Variants in ABI3BP observed in about 807,000 individuals in gnomAD.
ABI3BP encodes the protein target of Nesh-SH3.
In ABI3BP, 216 loss-of-function variants were observed where a neutral mutation model predicts 268.6. That is an observed-to-expected ratio of 0.80 (90% CI 0.72 to 0.90). The LOEUF is 0.90. Ranked by LOEUF, ABI3BP falls within the 40% of genes least tolerant of loss-of-function variation. The pLI is 0.00. For synonymous variants in ABI3BP, 730 were observed against 730.0 expected (o/e 1.00, Z 0.00); for missense variants, 2,090 against 2,182.4 (o/e 0.96, Z 0.84).
At chr3:100,886,089 A>G in intron 5 of ABI3BP, 53 bp downstream of exon 5, 3 of 1,408,382 alleles carry the variant, frequency 2.1e-6, no homozygotes, top group Non-Finnish European at 2.8e-6. Context: ...AAATTAGGTA[A>G]CTAAGAAAAA....
chr3:100,818,971 A>G (rs946319717), intron 40 of ABI3BP, among the ~76,000 whole-genome samples: 13 of 152,240 alleles, frequency 8.5e-5, no homozygotes, highest in African/African-American at 3.1e-4. Context: ...TACAGTCAAC[A>G]GCCTGTTTGA....
chr3:100,862,417 A>T, intron 13 of ABI3BP, 32 bp from the exon 14 acceptor site: 1 of 1,275,592 alleles, frequency 7.8e-7, no homozygotes, highest in Non-Finnish European at 1.1e-6. Context: ...TTTGCTGAAG[A>T]TTTTTTTTTT....
intron 57 of ABI3BP, among the ~76,000 whole-genome samples, chr3:100,785,788 T>C (rs1334117138): frequency 6.6e-6 from 1 of 152,226 alleles, no homozygotes; most frequent in African/African-American, 2.4e-5. Flanking sequence ...TTTTCACAGA[T>C]GCCCTTTATC....
At chr3:100,849,020 C>T in intron 17 of ABI3BP, 145 bp from the exon 18 acceptor site, 1 of 685,518 alleles carries the variant, frequency 1.5e-6, no homozygotes. Flanking sequence ...TTGTTTTATA[C>T]ACAGGAGGTG....
Position 100,765,133 on chromosome 3 carries a change from TTAC to T in ABI3BP, c.4850+705_4850+707del, listed in dbSNP as rs547543761. ...AAAAAAAAAAAAACTTGGAACTTCC[TTAC>T]TACATTTCTAGAAATGTCTAAGACA... On this transcript the variant is annotated intron_variant, in intron 63 of 67. Coordinates refer to ENST00000471714, the MANE Select transcript of ABI3BP (RefSeq NM_001375547.2). Among the ~76,000 whole-genome samples, 9 of 151,234 alleles carry T rather than the reference TTAC, an allele frequency of 6.0e-5. No homozygotes were observed. In the South Asian group the frequency reaches 1.7e-3, roughly 28 times the overall value.
At position 100,812,477 on chromosome 3, in the gene ABI3BP, C is replaced by A; in HGVS notation, c.3411G>T (p.Lys1137Asn). ...GGGGAACATTTTTACCTATGGTCTC[C>A]TTTGGTGACTCAGTACTAAGTGTAA... ...ESVTLSTESPKETIAPAKTDY... is the reference protein window; with the variant it reads ...ESVTLSTESPNETIAPAKTDY... Residue 1137 changes from lysine to asparagine, a missense_variant, in exon 46 of 68, where the codon AAG becomes AAT. Lys to Asn is a moderately conservative substitution (Grantham distance 94). Transcript: ENST00000471714. The A allele has an allele frequency of 7.6e-7, 1 of 1,320,366 alleles. No individual in the cohort carries two copies. Among genetic ancestry groups the A allele is most frequent in the Non-Finnish European group, 9.7e-7 (1 of 1,036,186 alleles). 81.8% of individuals were successfully genotyped at this position (1,320,366 alleles called of 1,614,324 possible).
chr3:100,775,465 G>T, intron 59 of ABI3BP, 130 bp from the exon 60 acceptor site: 3 of 1,201,016 alleles, frequency 2.5e-6, no homozygotes, highest in Non-Finnish European at 3.5e-6. Flanking sequence ...GGCTTGGAGA[G>T]AAAACAAGAC....
At chr3:100,892,822 G>A (rs960781930) in intron 4 of ABI3BP, among the ~76,000 whole-genome samples, 1 of 152,212 alleles carries the variant, frequency 6.6e-6, no homozygotes, top group African/African-American at 2.4e-5. Flanking sequence ...GAAGGGTACT[G>A]CAGGTAAGAT....
chr3:100,800,560 G>A (rs960168610), intron 51 of ABI3BP, among the ~76,000 whole-genome samples: 1 of 150,872 alleles, frequency 6.6e-6, no homozygotes, highest in Non-Finnish European at 1.5e-5. Context: ...TGCAAGCTCC[G>A]CCTCCCTGGT....
intron 13 of ABI3BP, 155 bp downstream of exon 13, chr3:100,862,683 C>T (rs1336716026): frequency 1.6e-6 from 1 of 619,446 alleles, no homozygotes; most frequent in Non-Finnish European, 2.7e-6. Context: ...GCAGAAAATC[C>T]AAATAGATTT....
chr3:100,886,577 G>A (rs75263792), intron 4 of ABI3BP, among the ~76,000 whole-genome samples: 6 of 152,036 alleles, frequency 3.9e-5, no homozygotes, highest in South Asian at 4.1e-4. Context: ...CAGAATTCTC[G>A]TTCTATTATT....
intron 14 of ABI3BP, among the ~76,000 whole-genome samples, chr3:100,859,867 C>A (rs2098978730): frequency 6.6e-6 from 1 of 152,114 alleles, no homozygotes. Flanking sequence ...TGTAAAAACA[C>A]TATAAACTAC....
intron 9 of ABI3BP, among the ~76,000 whole-genome samples, chr3:100,867,513 C>T (rs2099064064): frequency 6.6e-6 from 1 of 151,528 alleles, no homozygotes; most frequent in East Asian, 1.9e-4. Flanking sequence ...TGGTGGCGGG[C>T]CCCTGTAGTC....
intron 62 of ABI3BP, among the ~76,000 whole-genome samples, chr3:100,770,355 C>T (rs2096505470): frequency 6.6e-6 from 1 of 152,036 alleles, no homozygotes; most frequent in Non-Finnish European, 1.5e-5. Flanking sequence ...TTGAAGTAAC[C>T]TTTAGTCTGC....
chr3:100,931,521 C>T (rs570770920), intron 1 of ABI3BP, among the ~76,000 whole-genome samples: 1 of 152,094 alleles, frequency 6.6e-6, no homozygotes, highest in East Asian at 1.9e-4. Context: ...GATACAAAAT[C>T]AATGGACAAA....
intron 1 of ABI3BP, among the ~76,000 whole-genome samples, chr3:100,954,138 G>A (rs896272634): frequency 2.0e-5 from 3 of 152,018 alleles, no homozygotes; most frequent in African/African-American, 4.8e-5. Context: ...ATATACATGA[G>A]ATATTTACCT....
At chr3:100,783,462 G>A (rs912213945) in intron 57 of ABI3BP, among the ~76,000 whole-genome samples, 1 of 152,188 alleles carries the variant, frequency 6.6e-6, no homozygotes, top group Non-Finnish European at 1.5e-5. Flanking sequence ...TTCAATAAAT[G>A]TTGGTTGAAT....
At chr3:100,885,444 A>C in intron 6 of ABI3BP, 92 bp downstream of exon 6, 2 of 669,864 alleles carry the variant, frequency 3.0e-6, no homozygotes, top group Non-Finnish European at 4.6e-6. Flanking sequence ...CTAGTCAGTT[A>C]ATCTAATTTC....
intron 1 of ABI3BP, among the ~76,000 whole-genome samples, chr3:100,956,077 A>G (rs573857326): frequency 6.6e-6 from 1 of 151,996 alleles, no homozygotes; most frequent in South Asian, 2.1e-4. Context: ...AATCCCAGCT[A>G]CTTGGGAGGC....
Sources: allele counts gnomAD v4.1 joint callset (sites outside exome capture counted in the v4.1 genomes callset), GRCh38; gene constraint gnomAD v4.1.1; transcripts MANE v1.5; gene names NCBI Gene and HGNC (gene_info 2026-07-23, HGNC 2026-07-21).